Variants in PCDHA1 observed in about 807,000 individuals in gnomAD.
PCDHA1 encodes protocadherin alpha-1.
Under a neutral mutation model 61.3 loss-of-function variants are expected in PCDHA1, and 42 were observed. That is an observed-to-expected ratio of 0.69 (90% confidence interval 0.54 to 0.89). The LOEUF (loss-of-function observed/expected upper bound fraction) is 0.89. Ranked by LOEUF, PCDHA1 falls within the 40% of genes least tolerant of loss-of-function variation. The pLI is 0.00. For missense variants in PCDHA1, 1,256 were observed against 1,235.3 expected (o/e 1.02, Z -0.25); for synonymous variants, 610 against 553.8 (o/e 1.10, Z -1.43).
chr5:140,877,818 T>G (rs1207543793), intron 1 of PCDHA1: 3 of 1,608,774 alleles, frequency 1.9e-6, no homozygotes, highest in African/African-American at 2.7e-5. Context: ...CTCGAGAAGA[T>G]TGTTTAAATC....
intron 1 of PCDHA1, chr5:140,804,829 C>T: frequency 2.5e-6 from 1 of 399,998 alleles, no homozygotes; most frequent in Non-Finnish European, 4.4e-6. Flanking sequence ...CTGGTTAATA[C>T]TCATTGACAG....
At chr5:140,924,104 C>A (rs538996937) in intron 1 of PCDHA1, among the ~76,000 whole-genome samples, 20 of 152,306 alleles carry the variant, frequency 1.3e-4, no homozygotes, top group Middle Eastern at 6.8e-3. Context: ...AATTTTCATT[C>A]CAAAGCAGTT....
At chr5:140,808,651 G>C (rs144041965) in intron 1 of PCDHA1, 19 of 1,613,192 alleles carry the variant, frequency 1.2e-5, no homozygotes, top group Admixed American at 1.7e-5. Context: ...AGGAGAACGC[G>C]CTGGTGTCCT....
chr5:140,788,571 A>G lies in PCDHA1; in HGVS notation c.2281A>G (p.Ser761Gly). 6.2e-7 allele frequency: 1 copy of G among 1,614,184 alleles called. No homozygotes were observed. Among genetic ancestry groups the G allele is most frequent in the South Asian group, 1.1e-5 (1 of 91,080 alleles). ...SQQRRQRVCS[S>G]EGPPKTDLMA... ...GCAGAGGCGGCAGAGGGTGTGCTCT[A>G]GCGAGGGCCCACCCAAGACCGACCT... is the stretch of plus-strand genomic sequence containing the variant. Residue 761 changes from serine (S) to glycine (G), a missense_variant, in exon 1 of 4, where the codon AGC becomes GGC. Ser to Gly is a moderately conservative substitution (Grantham distance 56). Coordinates refer to ENST00000504120, the MANE Select transcript of PCDHA1 (RefSeq NM_018900.4).
At chr5:140,975,363 G>T (rs1348174294) in intron 1 of PCDHA1, among the ~76,000 whole-genome samples, 3 of 152,220 alleles carry the variant, frequency 2.0e-5, no homozygotes, top group Non-Finnish European at 2.9e-5. Context: ...GTGCTACATA[G>T]CATAATGTAA....
chr5:140,809,229 G>A, intron 1 of PCDHA1: 2 of 1,614,046 alleles, frequency 1.2e-6, no homozygotes, highest in Non-Finnish European at 1.7e-6. Context: ...GCCTCCTCAC[G>A]GGCGTTGGTG....
In PCDHA1 at chr5:141,010,436, G is replaced by C; in HGVS notation, c.*499G>C. 2 of 1,038,344 alleles carry C rather than the reference G, an allele frequency of 1.9e-6. No individual in the cohort carries two copies. Among genetic ancestry groups the C allele is most frequent in the Admixed American group, 5.8e-5 (2 of 34,296 alleles). The allele number at this position is 1,038,344 out of a possible 1,614,324, so 64.3% of individuals were successfully genotyped here. A position where few individuals can be genotyped will look rare whatever the true frequency, so the allele number is the denominator to read the frequency against. On this transcript the variant is annotated 3_prime_UTR_variant, in exon 4 of 4. Coordinates refer to ENST00000504120, the MANE Select transcript of PCDHA1 (RefSeq NM_018900.4). The stretch of plus-strand genomic sequence containing the variant: ...GGTACAAGGAAGGCAAGAAAACAAA[G>C]ACAAATAAACAGCGGAAGTTATCAG...
In PCDHA1 at chr5:140,786,656, GGTGAAA is replaced by G; in HGVS notation, c.368_373del (p.Val123_Lys124del). 1 of 1,614,228 alleles carries G rather than the reference GGTGAAA, an allele frequency of 6.2e-7. No homozygotes were observed. The highest frequency in any genetic ancestry group is 8.5e-7 in the Non-Finnish European group (1 of 1,180,042). Reference sequence around the variant, plus strand: ...TGCAGGTTTTCCATGTGGAGGTGAAGGTGAAAGACATTAACGATAATCCACCCGTCT... The same window carrying G: ...TGCAGGTTTTCCATGTGGAGGTGAAGGACATTAACGATAATCCACCCGTCT... On this transcript the variant is annotated inframe_deletion, in exon 1 of 4. Transcript: ENST00000504120.
chr5:140,869,677 C>T, intron 1 of PCDHA1: 1 of 1,613,420 alleles, frequency 6.2e-7, no homozygotes, highest in Non-Finnish European at 8.5e-7. Flanking sequence ...GATTAAAAGA[C>T]TGTCACTTAT....
Position 140,894,245 on chromosome 5 carries a change from C to T in PCDHA1, c.2395-84704C>T, listed in dbSNP as rs1273703512. ...AGATGTTGAATGACAATGTAATTTT[C>T]TTTTCTTTACAAGTGGTAGCTTATT... On this transcript the variant is annotated intron_variant, in intron 1 of 3. Coordinates refer to ENST00000504120, the MANE Select transcript of PCDHA1 (RefSeq NM_018900.4). 4.0e-5 allele frequency among the ~76,000 whole-genome samples: 6 copies of T among 151,858 alleles called. No homozygotes were observed. In the East Asian group the frequency reaches 1.2e-3, roughly 29 times the overall value.
At chr5:140,805,068 C>T in intron 1 of PCDHA1, 1 of 1,593,038 alleles carries the variant, frequency 6.3e-7, no homozygotes, top group Non-Finnish European at 8.5e-7. Context: ...AGATATGGAA[C>T]TTCAATCTTC....
chr5:140,861,631 C>G (rs960525062), intron 1 of PCDHA1: 2 of 314,942 alleles, frequency 6.4e-6, no homozygotes, highest in Admixed American at 7.0e-5. Flanking sequence ...GTGTTCTCAG[C>G]AACACAAAAG....
At chr5:140,803,171 A>T (rs1289199401) in intron 1 of PCDHA1, 1 of 1,613,864 alleles carries the variant, frequency 6.2e-7, no homozygotes, top group Admixed American at 1.7e-5. Flanking sequence ...GTGAACCCTC[A>T]TTGACCGCCA....
intron 1 of PCDHA1, chr5:140,871,192 G>C (rs1582019516): frequency 6.2e-7 from 1 of 1,613,550 alleles, no homozygotes; most frequent in Non-Finnish European, 8.5e-7. Context: ...GGATGTCAAC[G>C]TGTACCTGAT....
intron 1 of PCDHA1, chr5:140,928,158 A>T: frequency 1.2e-6 from 2 of 1,614,066 alleles, no homozygotes; most frequent in Non-Finnish European, 1.7e-6. Flanking sequence ...ATAGTGGCTC[A>T]CCCCCACTTA....
At chr5:140,858,413 A>T (rs150984635) in intron 1 of PCDHA1, 1 of 1,562,352 alleles carries the variant, frequency 6.4e-7, no homozygotes. Flanking sequence ...AGATCAGTCT[A>T]TTGGAGGGGA....
intron 1 of PCDHA1, chr5:140,805,471 A>C: frequency 1.0e-6 from 1 of 1,004,036 alleles, no homozygotes; most frequent in African/African-American, 1.7e-5. Context: ...GTAGTTCTTC[A>C]ATAGAGAGGG....
At chr5:140,844,452 G>A (rs1403381555) in intron 1 of PCDHA1, among the ~76,000 whole-genome samples, 2 of 148,572 alleles carry the variant, frequency 1.3e-5, no homozygotes, top group South Asian at 2.1e-4. Context: ...TTGTATTGTC[G>A]CCAACTTAAC....
intron 1 of PCDHA1, among the ~76,000 whole-genome samples, chr5:140,890,661 A>G (rs1384784805): frequency 6.6e-6 from 1 of 152,198 alleles, no homozygotes; most frequent in Non-Finnish European, 1.5e-5. Flanking sequence ...TCAAAAGTTA[A>G]CTGAAACCCT....
Sources: gnomAD v4.1 joint callset for allele counts (sites outside exome capture counted in the v4.1 genomes callset) on GRCh38, gnomAD v4.1.1 for gene constraint, MANE v1.5 for transcripts, NCBI Gene and HGNC (gene_info 2026-07-23, HGNC 2026-07-21) for gene names.